EXD3: variants seen among roughly 807,000 people sequenced by gnomAD.
EXD3 encodes the protein exonuclease mut-7 homolog.
Under a neutral mutation model 98.0 loss-of-function variants are expected in EXD3, and 92 were observed. That is an observed-to-expected ratio of 0.94 (90% CI 0.79 to 1.12). The LOEUF is 1.12. EXD3 is among the 50% of genes most tolerant of loss of function. The probability of loss-of-function intolerance (pLI) is 0.00; values close to 1 mark genes in which losing one functional copy is unlikely to be tolerated. For synonymous variants in EXD3, 569 were observed against 526.0 expected (o/e 1.08, Z -1.12); for missense variants, 1,222 against 1,191.6 (o/e 1.03, Z -0.38).
At chr9:137,402,709 A>G (rs1373278349) in intron 1 of EXD3, among the ~76,000 whole-genome samples, 3 of 152,144 alleles carry the variant, frequency 2.0e-5, no homozygotes, top group Non-Finnish European at 4.4e-5. Flanking sequence ...TCTTTTCAGC[A>G]ATACCCCACT....
chr9:137,343,202 G>A (rs913482594), intron 17 of EXD3: 1 of 152,228 alleles, frequency 6.6e-6, no homozygotes, highest in African/African-American at 2.4e-5. Flanking sequence ...GACTGGCCAA[G>A]TGGACAAAGT....
intron 20 of EXD3, among the ~76,000 whole-genome samples, chr9:137,307,981 G>A (rs1190941160): frequency 7.1e-6 from 1 of 140,120 alleles, no homozygotes; most frequent in Non-Finnish European, 1.5e-5. Context: ...TTGTGGTGAT[G>A]AGCAGATAAG....
chr9:137,370,346 T>C (rs1190676879), intron 5 of EXD3, among the ~76,000 whole-genome samples: 2 of 152,134 alleles, frequency 1.3e-5, no homozygotes, highest in Non-Finnish European at 2.9e-5. Context: ...AAAGGTCACC[T>C]GGCCCCAGAG....
At chr9:137,322,557 G>T (rs1462691429) in intron 19 of EXD3, among the ~76,000 whole-genome samples, 1 of 74,544 alleles carries the variant, frequency 1.3e-5, no homozygotes, top group Non-Finnish European at 2.5e-5. Context: ...CCCGGACCAC[G>T]AGGGATGCTC....
chr9:137,324,896 G>A lies in EXD3; in HGVS notation c.1999-753C>T, dbSNP rs1832309106. Among the ~76,000 whole-genome samples the A allele has an allele frequency of 6.6e-6, 1 of 152,002 alleles. No homozygotes were observed. Among genetic ancestry groups the A allele is most frequent in the African/African-American group, 2.4e-5 (1 of 41,362 alleles). ...TTTAGTAGAGACGGGGTTTCACCGT[G>A]TTAGCCAGGATGGTCTCGATCTCCT... On this transcript the variant is annotated intron_variant, in intron 17 of 21. Transcript: ENST00000340951. The surrounding 1 kb of genome is among the most constrained non-coding windows in gnomAD (Gnocchi z 4.1).
chr9:137,372,496 C>CA (rs1208613801), intron 5 of EXD3, among the ~76,000 whole-genome samples: 1 of 152,250 alleles, frequency 6.6e-6, no homozygotes, highest in African/African-American at 2.4e-5. Flanking sequence ...GAGGCAAACT[C>CA]ACCCACAAAG....
At chr9:137,384,564 G>T (rs2131727305) in intron 2 of EXD3, among the ~76,000 whole-genome samples, 1 of 152,372 alleles carries the variant, frequency 6.6e-6, no homozygotes, top group East Asian at 1.9e-4. Flanking sequence ...GCCGTCCCAA[G>T]CAGGTGGCAT....
rs1834989913 is a variant in EXD3, at chr9:137,361,411, G to A, written c.657-5043C>T. 2.3e-5 allele frequency among the ~76,000 whole-genome samples: 2 copies of A among 85,652 alleles called. 1 individual carries two copies. 56.2% of individuals were successfully genotyped at this position (85,652 alleles called of 152,430 possible). On this transcript the variant is annotated intron_variant, in intron 7 of 21. Coordinates refer to ENST00000340951, the MANE Select transcript of EXD3 (RefSeq NM_017820.5). ...GAGTTTTAAAAGCTTCCTAATTGGC[G>A]GGGCATTGACTATAGTTCTAAGAAG...
At position 137,401,424 on chromosome 9, in the gene EXD3, G is replaced by T. The variant is rs1004645558; in HGVS notation, c.-47-6020C>A. On this transcript the variant is annotated intron_variant, in intron 1 of 21. Coordinates refer to ENST00000340951, the MANE Select transcript of EXD3 (RefSeq NM_017820.5). ...CCTGCCTCGGCCTCCCAAAGTGCTGGGATTACAGGTGTGAGCCACCGTGCC... is the reference window on the plus strand; with the variant it reads ...CCTGCCTCGGCCTCCCAAAGTGCTGTGATTACAGGTGTGAGCCACCGTGCC... Among the ~76,000 whole-genome samples the T allele has an allele frequency of 1.1e-4, 17 of 151,982 alleles. 1 individual carries two copies. Among genetic ancestry groups the T allele is most frequent in the African/African-American group, 3.9e-4 (16 of 41,372 alleles).
Position 137,408,405 on chromosome 9 carries a change from G to A in EXD3, c.-47-13001C>T, listed in dbSNP as rs552054932. Among the ~76,000 whole-genome samples, 154 of 151,944 alleles carry A rather than the reference G, an allele frequency of 1.0e-3. 1 individual carries two copies. Among genetic ancestry groups the A allele is most frequent in the African/African-American group, 3.4e-3 (142 of 41,406 alleles). ...CTACTAAAAATATAAAAATTTGCCGGGCGTGGTGGCGGGCGCCTGTAGTCC... is the reference window on the plus strand; with the variant it reads ...CTACTAAAAATATAAAAATTTGCCGAGCGTGGTGGCGGGCGCCTGTAGTCC... On this transcript the variant is annotated intron_variant, in intron 1 of 21. Coordinates refer to ENST00000340951, the MANE Select transcript of EXD3 (RefSeq NM_017820.5).
intron 1 of EXD3, among the ~76,000 whole-genome samples, chr9:137,415,454 A>C (rs1350034013): frequency 6.6e-6 from 1 of 151,988 alleles, no homozygotes; most frequent in South Asian, 2.1e-4. Flanking sequence ...TCGGTCTCCT[A>C]AAGTGCTGGG....
intron 9 of EXD3, 122 bp downstream of exon 9, chr9:137,354,578 G>C: frequency 6.5e-7 from 1 of 1,544,632 alleles, no homozygotes; most frequent in Non-Finnish European, 8.7e-7. Context: ...CAGCTCTGGG[G>C]CAAGAAGCAG....
intron 1 of EXD3, among the ~76,000 whole-genome samples, chr9:137,408,466 G>C (rs891823697): frequency 1.3e-4 from 19 of 150,274 alleles, no homozygotes; most frequent in African/African-American, 4.7e-4. Context: ...TGAATGGCGT[G>C]AACCCGGGAG....
At chr9:137,390,355 C>T (rs1437477210) in intron 2 of EXD3, among the ~76,000 whole-genome samples, 4 of 150,762 alleles carry the variant, frequency 2.7e-5, no homozygotes, top group African/African-American at 7.3e-5. Flanking sequence ...TGGCGTGAAC[C>T]CGGGAGGCGG....
chr9:137,317,743 G>A (rs1831765445), intron 19 of EXD3, among the ~76,000 whole-genome samples: 2 of 152,162 alleles, frequency 1.3e-5, no homozygotes, highest in Admixed American at 6.5e-5. Flanking sequence ...CCCCTCAGGT[G>A]CCATCACTCC....
At position 137,349,225 on chromosome 9, in the gene EXD3, C is replaced by T. The variant is rs201523346; in HGVS notation, c.1715G>A (p.Arg572His). The stretch of plus-strand genomic sequence containing the variant: ...AGCCAGGTCCTCCGACAGGTGGAAG[C>T]GGGCGGGCTCTCTGCACAGGGCTTG... ...VHQALCREPARFHLSEDLAGS... is the reference protein window; with the variant it reads ...VHQALCREPAHFHLSEDLAGS... Residue 572 changes from arginine (R) to histidine (H), a missense_variant, in exon 16 of 22, where the codon CGC (arginine) becomes CAC (histidine). Coordinates refer to ENST00000340951, the MANE Select transcript of EXD3 (RefSeq NM_017820.5). The surrounding 1 kb of genome is among the most constrained non-coding windows in gnomAD (Gnocchi z 7.4). 29 of 1,577,196 alleles carry T rather than the reference C, an allele frequency of 1.8e-5. No individual in the cohort carries two copies. Among genetic ancestry groups the T allele is most frequent in the South Asian group, 9.1e-5 (8 of 87,562 alleles).
intron 17 of EXD3, among the ~76,000 whole-genome samples, chr9:137,335,571 T>G (rs1022704091): frequency 2.6e-5 from 4 of 152,080 alleles, no homozygotes; most frequent in African/African-American, 9.7e-5. Context: ...TCCTAGCTAC[T>G]CAGGAGGCTG....
chr9:137,338,008 C>T (rs1458204801), intron 17 of EXD3, among the ~76,000 whole-genome samples: 4 of 152,056 alleles, frequency 2.6e-5, no homozygotes, highest in African/African-American at 7.2e-5. Flanking sequence ...AGGATGGTCT[C>T]GATCTCCTGA....
In EXD3 at chr9:137,347,531, C is replaced by T. The variant is rs184363952; in HGVS notation, c.1998+540G>A. 3.2e-4 allele frequency among the ~76,000 whole-genome samples: 49 copies of T among 152,096 alleles called. No homozygotes were observed. Among genetic ancestry groups the T allele is most frequent in the African/African-American group, 1.1e-3 (46 of 41,476 alleles). ...TGATCTCAGCTCACTGTAACCTCTG[C>T]CTCCGGTGTTTAAGCGATTCTCGTG... On this transcript the variant is annotated intron_variant, in intron 17 of 21. Coordinates refer to ENST00000340951, the MANE Select transcript of EXD3 (RefSeq NM_017820.5). This position sits in a 1 kb window ranked among gnomAD's most constrained non-coding sequence, Gnocchi z 4.2.
Sources: gnomAD v4.1 joint callset for allele counts (sites outside exome capture counted in the v4.1 genomes callset) on GRCh38, gnomAD v4.1.1 for gene constraint, Gnocchi (gnomAD v3.1) non-coding constraint, MANE v1.5 for transcripts, NCBI Gene and HGNC (gene_info 2026-07-23, HGNC 2026-07-21) for gene names.